Variants in GRIN2A observed in about 807,000 individuals in gnomAD.
GRIN2A encodes the protein glutamate receptor ionotropic, NMDA 2A.
Under a neutral mutation model 113.4 loss-of-function variants are expected in GRIN2A, and 22 were observed. That is an observed-to-expected ratio of 0.19 (90% CI 0.14 to 0.28). The LOEUF is 0.28. Ranked by LOEUF, GRIN2A falls within the 10% of genes least tolerant of loss-of-function variation. The pLI is 1.00. For missense variants in GRIN2A, 1,502 were observed against 1,887.0 expected (o/e 0.80, Z 3.78); for synonymous variants, 827 against 738.4 (o/e 1.12, Z -1.94).
rs542459378 is a variant in GRIN2A at position 9,885,181 on chromosome 16, G to A, written c.1122+5805C>T. 4.6e-5 allele frequency among the ~76,000 whole-genome samples: 7 copies of A among 152,176 alleles called. No individual in the cohort carries two copies. In the South Asian group the frequency reaches 1.5e-3, roughly 32 times the overall value. On this transcript the variant is annotated intron_variant, in intron 4 of 12. Transcript: ENST00000330684. Reference sequence around the variant, plus strand: ...CCTACACATCCTTGTAGCATCCCTGGTACCTAATGAACTGCTGGCCACAGA... The same window carrying A: ...CCTACACATCCTTGTAGCATCCCTGATACCTAATGAACTGCTGGCCACAGA...
chr16:9,878,140 G>C (rs2043408727), intron 4 of GRIN2A, among the ~76,000 whole-genome samples: 1 of 152,094 alleles, frequency 6.6e-6, no homozygotes, highest in African/African-American at 2.4e-5. Context: ...CCACCTGTCA[G>C]CTTAATCATG....
chr16:10,098,639 G>T (rs1324666056), intron 2 of GRIN2A, among the ~76,000 whole-genome samples: 1 of 152,142 alleles, frequency 6.6e-6, no homozygotes. Flanking sequence ...AAAAAGGAAT[G>T]AATTAATGGC....
chr16:10,126,430 G>A (rs182125141), intron 2 of GRIN2A, among the ~76,000 whole-genome samples: 237 of 152,202 alleles, frequency 1.6e-3, no homozygotes, highest in African/African-American at 5.5e-3. Context: ...GCCTCCCAAA[G>A]CACTAGAAAT....
intron 2 of GRIN2A, among the ~76,000 whole-genome samples, chr16:10,054,829 T>C (rs2047417907): frequency 6.6e-6 from 1 of 151,502 alleles, no homozygotes; most frequent in Non-Finnish European, 1.5e-5. Flanking sequence ...GGGCGGATCA[T>C]GAGGTCAGGA....
chr16:9,795,889 T>C (rs1019231714), intron 11 of GRIN2A, among the ~76,000 whole-genome samples: 3 of 152,220 alleles, frequency 2.0e-5, no homozygotes, highest in African/African-American at 7.2e-5. Context: ...CTTTGATAGA[T>C]AACTTAGAGA....
At chr16:10,039,775 G>T (rs2047109587) in intron 2 of GRIN2A, among the ~76,000 whole-genome samples, 2 of 88,356 alleles carry the variant, frequency 2.3e-5, no homozygotes, top group Admixed American at 2.3e-4. Flanking sequence ...GGAGGGAGAG[G>T]GAGGGGGAGG....
chr16:9,985,694 G>T (rs372925118), intron 2 of GRIN2A, among the ~76,000 whole-genome samples: 4 of 152,052 alleles, frequency 2.6e-5, no homozygotes, highest in African/African-American at 4.8e-5. Context: ...GTTACCAGAG[G>T]CTAGGAAGGG....
rs771064597 is a variant in GRIN2A, at chr16:10,050,778, C to T, written c.415-112227G>A. Among the ~76,000 whole-genome samples, 13 of 152,148 alleles carry T rather than the reference C, an allele frequency of 8.5e-5. No homozygotes were observed. In the South Asian group the frequency reaches 1.2e-3, roughly 15 times the overall value. On this transcript the variant is annotated intron_variant, in intron 2 of 12. Coordinates refer to ENST00000330684, the MANE Select transcript of GRIN2A (RefSeq NM_001134407.3). Reference sequence around the variant, plus strand: ...TCTTCCACGAAACTGGTCCCTGGTGCCAAAAAGATTGAGGACCACTGCTGT... The same window carrying T: ...TCTTCCACGAAACTGGTCCCTGGTGTCAAAAAGATTGAGGACCACTGCTGT...
At chr16:10,048,880 GCAAGCTCCA>G (rs1402436617) in intron 2 of GRIN2A, among the ~76,000 whole-genome samples, 1 of 152,138 alleles carries the variant, frequency 6.6e-6, no homozygotes, top group East Asian at 1.9e-4. Flanking sequence ...TGGGATCAGT[GCAAGCTCCA>G]GGGCCAAGTT....
rs1355330937 is a variant in GRIN2A, at chr16:9,784,349, G to A, written c.2356+13928C>T. On this transcript the variant is annotated intron_variant, in intron 11 of 12. Transcript: ENST00000330684. ...GGAGGCTAAGGCAGGAAAATTGCTTGAACCCAGGAAGCAGAGGTTACAGTA... is the reference window on the plus strand; with the variant it reads ...GGAGGCTAAGGCAGGAAAATTGCTTAAACCCAGGAAGCAGAGGTTACAGTA... Among the ~76,000 whole-genome samples, 4 of 150,272 alleles carry A rather than the reference G, an allele frequency of 2.7e-5. No homozygotes were observed. In the Admixed American group the frequency reaches 2.7e-4, roughly 10 times the overall value.
chr16:9,839,735 T>C (rs899339723), intron 7 of GRIN2A, among the ~76,000 whole-genome samples: 4 of 152,100 alleles, frequency 2.6e-5, no homozygotes, highest in Admixed American at 6.5e-5. Flanking sequence ...ATATATCTAT[T>C]AATTTACATT....
intron 2 of GRIN2A, among the ~76,000 whole-genome samples, chr16:10,132,918 G>A (rs2049096988): frequency 6.6e-6 from 1 of 152,172 alleles, no homozygotes. Context: ...TTCCTTCTAA[G>A]GCTTTAGAGG....
At chr16:10,080,760 A>T (rs1193984142) in intron 2 of GRIN2A, among the ~76,000 whole-genome samples, 1 of 151,908 alleles carries the variant, frequency 6.6e-6, no homozygotes, top group Non-Finnish European at 1.5e-5. Flanking sequence ...AATGCCTGGG[A>T]CCCTCTTACC....
chr16:10,098,242 A>G (rs2048330885), intron 2 of GRIN2A, among the ~76,000 whole-genome samples: 1 of 152,224 alleles, frequency 6.6e-6, no homozygotes, highest in African/African-American at 2.4e-5. Context: ...AATGCAAATC[A>G]AACCACAATG....
chr16:9,821,750 AACAG>A (rs1242831794), intron 10 of GRIN2A, among the ~76,000 whole-genome samples: 1 of 152,206 alleles, frequency 6.6e-6, no homozygotes, highest in African/African-American at 2.4e-5. Flanking sequence ...CCACAATGCC[AACAG>A]ACAGAGAGGA....
intron 2 of GRIN2A, among the ~76,000 whole-genome samples, chr16:10,043,235 C>T (rs143616754): frequency 0.012 from 1,776 of 152,244 alleles, 23 homozygotes; most frequent in Admixed American, 0.018. Flanking sequence ...AGGCTTGATG[C>T]CGTTAAGTAA....
chr16:9,797,594 A>G (rs530565397), intron 11 of GRIN2A, among the ~76,000 whole-genome samples: 56 of 152,292 alleles, frequency 3.7e-4, no homozygotes, highest in African/African-American at 1.3e-3. Context: ...TGTTGGTACA[A>G]CATGACTCCA....
chr16:10,053,582 GT>G (rs1158071606), intron 2 of GRIN2A, among the ~76,000 whole-genome samples: 2 of 152,186 alleles, frequency 1.3e-5, no homozygotes, highest in Non-Finnish European at 2.9e-5. Context: ...GTTCATAGGA[GT>G]TTTAGGAGGG....
At chr16:10,135,793 T>C (rs1221803121) in intron 2 of GRIN2A, among the ~76,000 whole-genome samples, 1 of 152,180 alleles carries the variant, frequency 6.6e-6, no homozygotes, top group African/African-American at 2.4e-5. Flanking sequence ...ATCTGACTGA[T>C]TGAATCAGGC....
Sources: gnomAD v4.1 joint callset for allele counts (sites outside exome capture counted in the v4.1 genomes callset) on GRCh38, gnomAD v4.1.1 for gene constraint, MANE v1.5 for transcripts, NCBI Gene and HGNC (gene_info 2026-07-23, HGNC 2026-07-21) for gene names.